The following SRPX2 variants were observed in gnomAD, a reference collection of about 807,000 sequenced individuals.
SRPX2 encodes the protein sushi repeat containing protein X-linked 2.
A neutral mutation model predicts 45.3 loss-of-function variants in SRPX2; 26 were observed. The observed-to-expected ratio is 0.57, with a 90% CI of 0.42 to 0.80. The LOEUF (loss-of-function observed/expected upper bound fraction) is 0.80, where lower values mean the gene tolerates loss of function less well. SRPX2 is among the 30% of genes least tolerant of loss of function. The pLI is 0.00. For synonymous variants in SRPX2, 125 were observed against 143.7 expected, an observed-to-expected ratio of 0.87 and a Z score of 0.93; for missense variants, 355 against 399.8, an observed-to-expected ratio of 0.89 and a Z score of 0.95.
intron 4 of SRPX2, 110 bp from the exon 5 acceptor site, chrX:100,664,664 G>A (rs1033761394): frequency 1.0e-5 from 8 of 794,066 alleles, no homozygotes; most frequent in South Asian, 2.2e-5. Flanking sequence ...GTTCAGGTAG[G>A]GTTTCTGTAT....
intron 9 of SRPX2, 45 bp downstream of exon 9, chrX:100,667,452 C>A: frequency 8.3e-7 from 1 of 1,204,666 alleles, no homozygotes; most frequent in African/African-American, 1.7e-5. Context: ...TGTAAATTAT[C>A]CCTTACCTTT....
In SRPX2 at chrX:100,670,825, T is replaced by A. The variant is rs1167920827; in HGVS notation, c.1236T>A (p.Thr412=). The A allele has an allele frequency of 1.7e-6, 2 of 1,211,447 alleles. No individual in the cohort carries two copies. The highest frequency in any genetic ancestry group is 4.3e-5 in the Admixed American group (2 of 46,009). ...IEELRQFQRL[T]RSYFNMVLID... The stretch of plus-strand genomic sequence containing the variant: ...TCTCTAGGCAATTTCAGCGCCTCAC[T>A]CGCTCCTACTTCAACATGGTGTTGA... Residue 412 remains threonine (T), a synonymous_variant, in exon 11 of 11, where the codon ACT becomes ACA. Coordinates refer to ENST00000373004, the MANE Select transcript of SRPX2 (RefSeq NM_014467.3).
At chrX:100,662,516 T>C in intron 4 of SRPX2, 149 bp downstream of exon 4, 1 of 658,259 alleles carries the variant, frequency 1.5e-6, no homozygotes, top group Non-Finnish European at 2.3e-6. Flanking sequence ...GCAGGGCCTT[T>C]CCCCATTCTA....
In SRPX2 at chrX:100,662,228, C is replaced by T. The variant is rs1179582703; in HGVS notation, c.216C>T (p.Tyr72=). The change falls in exon 4 of 11, where the codon TAC becomes TAT. Residue 72 remains tyrosine (Y), a synonymous_variant. Coordinates refer to ENST00000373004, the MANE Select transcript of SRPX2 (RefSeq NM_014467.3). ...LNIQDGEATC[Y]SPKGGNYHSS... is the part of the protein sequence containing the mutation. ...TCCAGGATGGAGAAGCCACATGCTA[C>T]TCACCGAAGGGAGGAAATTATCACA... 3 of 1,211,719 alleles carry T rather than the reference C, an allele frequency of 2.5e-6. No individual in the cohort carries two copies. The highest frequency in any genetic ancestry group is 3.0e-5 in the East Asian group (1 of 33,842).
intron 1 of SRPX2, 121 bp from the exon 2 acceptor site, chrX:100,646,072 G>A (rs1244520159): frequency 2.6e-6 from 1 of 377,495 alleles, no homozygotes; most frequent in East Asian, 4.7e-5. Context: ...CCTCCTCCTG[G>A]GAGGAAAAGG....
rs1196680946 is a variant in SRPX2, at chrX:100,666,916, C to T, written c.944C>T (p.Ser315Leu). 5 of 1,209,890 alleles carry T rather than the reference C, an allele frequency of 4.1e-6. No individual in the cohort carries two copies. In the South Asian group the frequency reaches 8.8e-5, roughly 21 times the overall value. ...VCQSSRQWSG[S>L]PPICAPMKIN... The stretch of plus-strand genomic sequence containing the variant: ...CAGTCCAGCCGCCAGTGGTCAGGTT[C>T]ACCACCAATCTGTGCTCGTGAGTGA... Residue 315 changes from serine to leucine, a missense_variant, in exon 8 of 11, where the codon TCA (serine) becomes TTA (leucine). By Grantham distance (145) the Ser-to-Leu change is moderately radical (BLOSUM62 -2). Coordinates refer to ENST00000373004, the MANE Select transcript of SRPX2 (RefSeq NM_014467.3).
At chrX:100,646,799 A>G (rs954289671) in intron 2 of SRPX2, among the ~76,000 whole-genome samples, 8 of 111,988 alleles carry the variant, frequency 7.1e-5, no homozygotes, top group African/African-American at 2.6e-4. Flanking sequence ...ATGGACTTAG[A>G]CCACATACCT....
intron 2 of SRPX2, 41 bp downstream of exon 2, chrX:100,646,445 T>A: frequency 8.9e-6 from 10 of 1,126,588 alleles, no homozygotes; most frequent in Non-Finnish European, 1.2e-5. Flanking sequence ...CCAGGAAGGA[T>A]AGGTCCTAGA....
intron 9 of SRPX2, among the ~76,000 whole-genome samples, chrX:100,667,862 C>T (rs1194059482): frequency 8.9e-6 from 1 of 111,864 alleles, no homozygotes; most frequent in Non-Finnish European, 1.9e-5. Context: ...CTATCGTTAT[C>T]CCCATTGAAT....
intron 4 of SRPX2, among the ~76,000 whole-genome samples, chrX:100,663,377 A>G (rs1036834703): frequency 1.9e-4 from 21 of 111,979 alleles, no homozygotes; most frequent in African/African-American, 6.5e-4. Context: ...CAATGAGTCA[A>G]TTACTACATT....
At chrX:100,669,084 G>A (rs1339420054) in intron 9 of SRPX2, among the ~76,000 whole-genome samples, 164 bp from the exon 10 acceptor site, 1 of 111,302 alleles carries the variant, frequency 9.0e-6, no homozygotes, top group East Asian at 2.8e-4. Context: ...AGGAATGACA[G>A]AGGGAACAGG....
intron 1 of SRPX2, among the ~76,000 whole-genome samples, chrX:100,645,797 C>T (rs1273614494): frequency 1.8e-5 from 2 of 112,299 alleles, no homozygotes; most frequent in Non-Finnish European, 3.8e-5. Context: ...ATTGGATTCA[C>T]ATCCAGACCT....
chrX:100,662,249 T>C lies in SRPX2; in HGVS notation c.237T>C (p.Tyr79=). The C allele has an allele frequency of 8.3e-7, 1 of 1,211,916 alleles. No individual in the cohort carries two copies. Among genetic ancestry groups the C allele is most frequent in the African/African-American group, 1.7e-5 (1 of 57,826 alleles). The change falls in exon 4 of 11, where the codon TAT becomes TAC. Residue 79 remains tyrosine, a synonymous_variant. Coordinates refer to ENST00000373004, the MANE Select transcript of SRPX2 (RefSeq NM_014467.3). The stretch of plus-strand genomic sequence containing the variant: ...GCTACTCACCGAAGGGAGGAAATTA[T>C]CACAGCAGCCTGGGCACGCGTTGTG... The part of the protein sequence containing the change: ...ATCYSPKGGN[Y]HSSLGTRCEL...
chrX:100,667,443 G>A (rs1238012725), intron 9 of SRPX2, 36 bp downstream of exon 9: 1 of 1,206,064 alleles, frequency 8.3e-7, no homozygotes, highest in African/African-American at 1.7e-5. Flanking sequence ...CTTAGCTCCT[G>A]TAAATTATCC....
chrX:100,669,329 C>T lies in SRPX2; in HGVS notation c.1177C>T (p.Arg393Trp), dbSNP rs796053345. 8.5e-7 allele frequency: 1 copy of T among 1,182,841 alleles called. No homozygotes were observed. Among genetic ancestry groups the T allele is most frequent in the South Asian group, 1.8e-5 (1 of 55,957 alleles). Reference protein sequence around the residue: ...GQPPQEVGRIREQQLSANIIE... With the variant: ...GQPPQEVGRIWEQQLSANIIE... Reference sequence around the variant, plus strand: ...GCCACCTCAGGAGGTGGGGCGCATCCGGGAGCAACAGCTGTCAGCCAACAT... The same window carrying T: ...GCCACCTCAGGAGGTGGGGCGCATCTGGGAGCAACAGCTGTCAGCCAACAT... The change falls in exon 10 of 11, where the codon CGG (arginine) becomes TGG (tryptophan). Residue 393 changes from arginine to tryptophan, a missense_variant. Transcript: ENST00000373004.
intron 9 of SRPX2, 65 bp from the exon 10 acceptor site, chrX:100,669,183 C>G: frequency 5.8e-6 from 7 of 1,204,725 alleles, no homozygotes; most frequent in Non-Finnish European, 6.7e-6. Flanking sequence ...CAGGAGGAAT[C>G]AGCCAAGTAG....
At chrX:100,669,407 G>T (rs370900695) in intron 10 of SRPX2, 38 bp downstream of exon 10, 4 of 378,686 alleles carry the variant, frequency 1.1e-5, no homozygotes, top group Non-Finnish European at 1.8e-5. Context: ...GGGGGAGGGG[G>T]GGCTGGGGCG....
intron 10 of SRPX2, 35 bp from the exon 11 acceptor site, chrX:100,670,772 C>A (rs2083221802): frequency 8.3e-7 from 1 of 1,204,670 alleles, no homozygotes; most frequent in Admixed American, 2.2e-5. Flanking sequence ...GGTGCCCAGA[C>A]AAGGTCTCAT....
intron 4 of SRPX2, among the ~76,000 whole-genome samples, chrX:100,664,121 C>T (rs1291270911): frequency 9.0e-6 from 1 of 111,189 alleles, no homozygotes; most frequent in Non-Finnish European, 1.9e-5. Context: ...ATCCACATTT[C>T]ACTGAAGAAA....
Sources: gnomAD v4.1 joint callset for allele counts (sites outside exome capture counted in the v4.1 genomes callset) on GRCh38, gnomAD v4.1.1 for gene constraint, MANE v1.5 for transcripts, NCBI Gene and HGNC (gene_info 2026-07-23, HGNC 2026-07-21) for gene names.